Variants in CORO2A observed in about 807,000 individuals in gnomAD.
The protein encoded by CORO2A is coronin-2A.
A neutral mutation model predicts 62.4 loss-of-function variants in CORO2A; 47 were observed. The observed-to-expected ratio is 0.75, with a 90% CI of 0.60 to 0.96. The LOEUF (loss-of-function observed/expected upper bound fraction) is 0.96. CORO2A is among the 40% of genes least tolerant of loss of function. The probability of loss-of-function intolerance (pLI) is 0.00; values close to 1 mark genes in which losing one functional copy is unlikely to be tolerated. For missense variants in CORO2A, 610 were observed against 684.1 expected, an observed-to-expected ratio of 0.89 and a Z score of 1.21; for synonymous variants, 273 against 268.9, an observed-to-expected ratio of 1.02 and a Z score of -0.15.
intron 1 of CORO2A, among the ~76,000 whole-genome samples, chr9:98,181,056 C>A (rs928666701): frequency 2.0e-5 from 3 of 152,188 alleles, no homozygotes; most frequent in African/African-American, 7.2e-5. Flanking sequence ...ATCTGGCAAA[C>A]CCCAGCACTG....
chr9:98,183,757 C>T (rs368628629), intron 1 of CORO2A, among the ~76,000 whole-genome samples: 8 of 152,110 alleles, frequency 5.3e-5, no homozygotes, highest in Non-Finnish European at 1.0e-4. Flanking sequence ...ATCAAGAGTT[C>T]GAGACCAGCC....
intron 2 of CORO2A, among the ~76,000 whole-genome samples, chr9:98,142,856 GCTGCCCTGC>G (rs1827592183): frequency 1.6e-5 from 1 of 63,338 alleles, no homozygotes; most frequent in Non-Finnish European, 3.4e-5. Flanking sequence ...CCTGCCCTGC[GCTGCCCTGC>G]GCTGCCCTGC....
intron 2 of CORO2A, among the ~76,000 whole-genome samples, chr9:98,141,786 GTGAA>G (rs1205725434): frequency 6.6e-6 from 1 of 152,208 alleles, no homozygotes; most frequent in Non-Finnish European, 1.5e-5. Context: ...TCTGTAAAAT[GTGAA>G]TGAATAATCA....
At chr9:98,176,802 T>C (rs1190605818) in intron 1 of CORO2A, among the ~76,000 whole-genome samples, 1 of 151,882 alleles carries the variant, frequency 6.6e-6, no homozygotes, top group Non-Finnish European at 1.5e-5. Flanking sequence ...CAAGAGATCG[T>C]GGGGTACAGA....
At chr9:98,183,972 T>C (rs933172569) in intron 1 of CORO2A, among the ~76,000 whole-genome samples, 1 of 152,282 alleles carries the variant, frequency 6.6e-6, no homozygotes, top group Middle Eastern at 3.4e-3. Flanking sequence ...AAAATATGTA[T>C]ATACAGTATA....
In CORO2A at chr9:98,181,540, G is replaced by A. The variant is rs1828177869; in HGVS notation, c.-1+11019C>T. On this transcript the variant is annotated intron_variant, in intron 1 of 11. Transcript: ENST00000375077. Reference sequence around the variant, plus strand: ...CAACCATCTTGCCCTTGATCTTTCCGAAATATGTAAACGTGAGCAGACCCC... The same window carrying A: ...CAACCATCTTGCCCTTGATCTTTCCAAAATATGTAAACGTGAGCAGACCCC... Among the ~76,000 whole-genome samples, 3 of 151,798 alleles carry A rather than the reference G, an allele frequency of 2.0e-5. No homozygotes were observed. In the South Asian group the frequency reaches 6.2e-4, roughly 32 times the overall value.
At chr9:98,163,526 A>C (rs1474999255) in intron 1 of CORO2A, among the ~76,000 whole-genome samples, 1 of 151,856 alleles carries the variant, frequency 6.6e-6, no homozygotes, top group African/African-American at 2.4e-5. Flanking sequence ...GTGGCTCACA[A>C]CTCTCCTGCA....
intron 2 of CORO2A, among the ~76,000 whole-genome samples, chr9:98,140,860 C>T (rs1194633762): frequency 2.6e-5 from 4 of 152,182 alleles, no homozygotes; most frequent in Non-Finnish European, 5.9e-5. Flanking sequence ...ACACCTCCGC[C>T]TAGACTGGAT....
rs144735551 is a variant in CORO2A at position 98,166,116 on chromosome 9, CAG to C, written c.1-8458_1-8457del. ...GAGTCTTTGTATGTAACTGTGCACA[CAG>C]AGTATGGAGAAACATGTTAACAGCC... On this transcript the variant is annotated intron_variant, in intron 1 of 11. Coordinates refer to ENST00000375077, the MANE Select transcript of CORO2A (RefSeq NM_052820.4). Among the ~76,000 whole-genome samples, 310 of 152,272 alleles carry C rather than the reference CAG, an allele frequency of 2.0e-3. 8 individuals carry two copies. The East Asian group carries it at 0.047, about 23-fold the overall frequency.
rs537549388 is a variant in CORO2A at position 98,183,169 on chromosome 9, G to A, written c.-1+9390C>T. On this transcript the variant is annotated intron_variant, in intron 1 of 11. Coordinates refer to ENST00000375077, the MANE Select transcript of CORO2A (RefSeq NM_052820.4). Reference sequence around the variant, plus strand: ...GCTGTCCTAGTCTTGCTCAGAAAGCGGCCCAAACTTCAGCAGGACCCTCAC... The same window carrying A: ...GCTGTCCTAGTCTTGCTCAGAAAGCAGCCCAAACTTCAGCAGGACCCTCAC... 5.7e-5 allele frequency among the ~76,000 whole-genome samples: 8 copies of A among 139,720 alleles called. No homozygotes were observed. The East Asian group carries it at 1.9e-3, about 33-fold the overall frequency. The allele number at this position is 139,720 out of a possible 152,430, so 91.7% of individuals were successfully genotyped here.
At chr9:98,157,263 T>A in intron 2 of CORO2A, 197 bp downstream of exon 2, 1 of 567,166 alleles carries the variant, frequency 1.8e-6, no homozygotes, top group Non-Finnish European at 3.1e-6. Flanking sequence ...CTAAGCCAAC[T>A]GCTAGAGGCT....
intron 1 of CORO2A, among the ~76,000 whole-genome samples, chr9:98,166,710 T>C (rs1229802908): frequency 6.6e-6 from 1 of 152,190 alleles, no homozygotes; most frequent in African/African-American, 2.4e-5. Flanking sequence ...AGAAGAGATA[T>C]TTGCACACTC....
chr9:98,175,300 C>G (rs1828093328), intron 1 of CORO2A, among the ~76,000 whole-genome samples: 1 of 152,136 alleles, frequency 6.6e-6, no homozygotes, highest in East Asian at 1.9e-4. Context: ...TCAGGACATG[C>G]CTGGACGATA....
intron 1 of CORO2A, among the ~76,000 whole-genome samples, chr9:98,171,838 T>G (rs1418638186): frequency 6.6e-6 from 1 of 150,860 alleles, no homozygotes; most frequent in African/African-American, 2.4e-5. Context: ...GGCGCAGTGC[T>G]GAGGAGGGGG....
At chr9:98,166,675 C>T (rs1341625793) in intron 1 of CORO2A, among the ~76,000 whole-genome samples, 1 of 151,984 alleles carries the variant, frequency 6.6e-6, no homozygotes, top group Non-Finnish European at 1.5e-5. Context: ...GAATATACAC[C>T]CTTAAAGAAA....
Position 98,132,078 on chromosome 9 carries a change from G to A in CORO2A, c.765+107C>T, listed in dbSNP as rs557413739. On this transcript the variant is annotated intron_variant, in intron 6 of 11. Coordinates refer to ENST00000375077, the MANE Select transcript of CORO2A (RefSeq NM_052820.4). ...GGATCCCCAGCACCTGGCAGTCTACGCTAAATGTGTGTGTCATAAATGGGT... is the reference window on the plus strand; with the variant it reads ...GGATCCCCAGCACCTGGCAGTCTACACTAAATGTGTGTGTCATAAATGGGT... The A allele has an allele frequency of 2.9e-4, 263 of 899,364 alleles. 5 individuals carry two copies. In the South Asian group the frequency reaches 3.5e-3, roughly 12 times the overall value. The allele number at this position is 899,364 out of a possible 1,614,324, so 55.7% of individuals were successfully genotyped here.
chr9:98,162,070 T>C (rs543252243), intron 1 of CORO2A, among the ~76,000 whole-genome samples: 1 of 152,304 alleles, frequency 6.6e-6, no homozygotes, highest in Admixed American at 6.5e-5. Flanking sequence ...ATGCTTTCCA[T>C]GCATGAATAG....
intron 1 of CORO2A, among the ~76,000 whole-genome samples, chr9:98,185,416 G>A (rs929855969): frequency 3.3e-5 from 5 of 152,368 alleles, no homozygotes; most frequent in African/African-American, 7.2e-5. Context: ...GAGTCATAAA[G>A]AAGGGTCAAG....
chr9:98,188,476 T>C (rs1312579978), intron 1 of CORO2A, among the ~76,000 whole-genome samples: 3 of 152,118 alleles, frequency 2.0e-5, no homozygotes, highest in African/African-American at 7.2e-5. Flanking sequence ...AGAAAATACC[T>C]AGTACAGGTC....
Sources: allele counts gnomAD v4.1 joint callset (sites outside exome capture counted in the v4.1 genomes callset), GRCh38; gene constraint gnomAD v4.1.1; transcripts MANE v1.5; gene names NCBI Gene and HGNC (gene_info 2026-07-23, HGNC 2026-07-21).